The following CDK12 variants were observed in gnomAD, a reference collection of about 807,000 sequenced individuals.
CDK12 encodes cyclin dependent kinase 12.
CDK12 carries 17 observed loss-of-function variants against 133.8 expected under a neutral mutation model. That is an observed-to-expected ratio of 0.13 (90% CI 0.09 to 0.19). The LOEUF is 0.19. CDK12 is among the 10% of genes least tolerant of loss of function. The pLI, the probability that CDK12 is intolerant of heterozygous loss-of-function variation, is 1.00. For synonymous variants in CDK12, 694 were observed against 683.6 expected (o/e 1.02, Z -0.24); for missense variants, 1,508 against 1,818.7 (o/e 0.83, Z 3.11).
In CDK12 at chr17:39,495,384, GTTTTT is replaced by G. The variant is rs60185847; in HGVS notation, c.2419+718_2419+722del. Reference sequence around the variant, plus strand: ...TGAGCTACCATGACTGGCCTCATGTGTTTTTTTTTTTTTTTTTTTTTTTTTTTTTT... The same window carrying G: ...TGAGCTACCATGACTGGCCTCATGTGTTTTTTTTTTTTTTTTTTTTTTTTT... On this transcript the variant is annotated intron_variant, in intron 5 of 13. Coordinates refer to ENST00000447079, the MANE Select transcript of CDK12 (RefSeq NM_016507.4). 6.1e-4 allele frequency among the ~76,000 whole-genome samples: 67 copies of G among 110,686 alleles called. 1 individual carries two copies. The highest frequency in any genetic ancestry group is 1.9e-3 in the African/African-American group (52 of 26,934). 72.6% of individuals were successfully genotyped at this position (110,686 alleles called of 152,430 possible).
Position 39,530,632 on chromosome 17 carries a change from G to A in CDK12, c.3789G>A (p.Glu1263=). ...GTCCTCCTCACATTCTTCCACCAGA[G>A]AAGAGGCCCCCTGAGCCCCCCGGAC... ...AACPPHILPP[E]KRPPEPPGPP... is the part of the protein sequence containing the mutation. The change falls in exon 14 of 14, where the codon GAG becomes GAA. Residue 1263 remains glutamate (E), a synonymous_variant. Transcript: ENST00000447079. 5 of 1,604,908 alleles carry A rather than the reference G, an allele frequency of 3.1e-6. No homozygotes were observed. The highest frequency in any genetic ancestry group is 1.1e-5 in the South Asian group (1 of 90,362).
chr17:39,491,521 C>T (rs2051600066), intron 3 of CDK12, among the ~76,000 whole-genome samples: 1 of 152,030 alleles, frequency 6.6e-6, no homozygotes, highest in African/African-American at 2.4e-5. Context: ...CAGGCGTGAG[C>T]CACCGCGTCC....
intron 5 of CDK12, among the ~76,000 whole-genome samples, chr17:39,495,284 G>A (rs555279235): frequency 4.7e-5 from 7 of 149,910 alleles, no homozygotes; most frequent in South Asian, 4.2e-4. Flanking sequence ...CGCTATGTTC[G>A]TCGAGCTGGT....
In CDK12 at chr17:39,524,660, T is replaced by C; in HGVS notation, c.3096-14T>C. On this transcript the variant is annotated splice_polypyrimidine_tract_variant and intron_variant, in intron 11 of 13. Transcript: ENST00000447079. ...TTCCCTTACATATTTCCCCTTTGCT[T>C]TGTCTTTTTCCAGCCTCCCCCACTG... The C allele has an allele frequency of 6.2e-7, 1 of 1,611,950 alleles. No individual in the cohort carries two copies. The highest frequency in any genetic ancestry group is 8.5e-7 in the Non-Finnish European group (1 of 1,178,066).
intron 5 of CDK12, among the ~76,000 whole-genome samples, chr17:39,499,565 G>A (rs2052565043): frequency 6.7e-6 from 1 of 148,650 alleles, no homozygotes. Context: ...GCTGAAGTGC[G>A]ATGGTGCAGT....
chr17:39,526,714 C>G (rs1271285283), intron 13 of CDK12, among the ~76,000 whole-genome samples: 1 of 152,170 alleles, frequency 6.6e-6, no homozygotes, highest in Non-Finnish European at 1.5e-5. Flanking sequence ...TTCTTTACCT[C>G]TAGTGGAGTG....
Position 39,462,227 on chromosome 17 carries a change from C to T in CDK12, c.156C>T (p.Asp52=), listed in dbSNP as rs542375286. The stretch of plus-strand genomic sequence containing the variant: ...GGCATAAGTCCAAACACTCCAAAGA[C>T]ATGGGGTTGGTGACCCCCGAAGCAG... The part of the protein sequence containing the change: ...HKRHKSKHSK[D]MGLVTPEAAS... The change falls in exon 1 of 14, where the codon GAC becomes GAT. Residue 52 remains aspartate (D), a synonymous_variant. Transcript: ENST00000447079. 3.7e-6 allele frequency: 6 copies of T among 1,614,206 alleles called. No homozygotes were observed. The South Asian group carries it at 6.6e-5, about 18-fold the overall frequency.
Position 39,532,303 on chromosome 17 carries a change from A to T in CDK12, c.*987A>T, listed in dbSNP as rs1484777128. On this transcript the variant is annotated 3_prime_UTR_variant, in exon 14 of 14. Coordinates refer to ENST00000447079, the MANE Select transcript of CDK12 (RefSeq NM_016507.4). The stretch of plus-strand genomic sequence containing the variant: ...TGTTCTCTGTAACTCTTCAATTCTA[A>T]AATGTTTTGTTTTTTAAACCATGTT... The T allele has an allele frequency of 4.3e-6, 1 of 233,166 alleles. No homozygotes were observed. Among genetic ancestry groups the T allele is most frequent in the African/African-American group, 2.2e-5 (1 of 45,296 alleles). The allele number at this position is 233,166 out of a possible 1,614,324, so 14.4% of individuals were successfully genotyped here.
intron 11 of CDK12, among the ~76,000 whole-genome samples, chr17:39,522,454 A>G (rs2054237748): frequency 6.7e-6 from 1 of 150,232 alleles, no homozygotes; most frequent in African/African-American, 2.5e-5. Flanking sequence ...TTTTTCTGAG[A>G]CAGGGTCTCT....
At chr17:39,479,729 C>T (rs1302647961) in intron 2 of CDK12, among the ~76,000 whole-genome samples, 3 of 151,498 alleles carry the variant, frequency 2.0e-5, no homozygotes, top group Non-Finnish European at 2.9e-5. Context: ...CGGGTTCAAG[C>T]AATTCTCCTG....
rs1567728721 is a variant in CDK12, at chr17:39,494,633, T to G, written c.2358T>G (p.Val786=). 1 of 1,607,616 alleles carries G rather than the reference T, an allele frequency of 6.2e-7. No homozygotes were observed. Among genetic ancestry groups the G allele is most frequent in the Non-Finnish European group, 8.5e-7 (1 of 1,176,510 alleles). ...KILRQLIHRS[V]VNMKEIVTDK... The stretch of plus-strand genomic sequence containing the variant: ...TTCGTCAGTTAATCCACCGAAGTGT[T>G]GTTAACATGAAGGAAATTGTCACAG... Residue 786 remains valine (V), a synonymous_variant, in exon 5 of 14, where the codon GTT becomes GTG. Transcript: ENST00000447079.
rs2145194294 is a variant in CDK12 at position 39,471,225 on chromosome 17, G to A, written c.1393G>A (p.Val465Ile). ...KSAPDTELVN[V>I]THLNTEVKNS... is the part of the protein sequence containing the mutation. ...TGCCCCAGATACTGAACTGGTGAAT[G>A]TAACACATCTAAACACAGAGGTAAA... Residue 465 changes from valine (V) to isoleucine (I), a missense_variant, in exon 2 of 14, where the codon GTA (valine) becomes ATA (isoleucine). Transcript: ENST00000447079. The A allele has an allele frequency of 6.2e-7, 1 of 1,601,550 alleles. No individual in the cohort carries two copies. Among genetic ancestry groups the A allele is most frequent in the Non-Finnish European group, 8.5e-7 (1 of 1,176,036 alleles).
At chr17:39,523,499 T>C (rs983286160) in intron 11 of CDK12, among the ~76,000 whole-genome samples, 2 of 152,008 alleles carry the variant, frequency 1.3e-5, no homozygotes, top group Admixed American at 6.6e-5. Flanking sequence ...AAAAAAAGTA[T>C]TTTATCTTTG....
At position 39,501,466 on chromosome 17, in the gene CDK12, G is replaced by A. The variant is rs373793188; in HGVS notation, c.2609+27G>A. 1.4e-5 allele frequency: 21 copies of A among 1,521,142 alleles called. No homozygotes were observed. The African/African-American group carries it at 2.8e-4, about 20-fold the overall frequency. The allele number at this position is 1,521,142 out of a possible 1,614,324, so 94.2% of individuals were successfully genotyped here. The stretch of plus-strand genomic sequence containing the variant: ...TAACATAGTAACCAAATAAGATTAA[G>A]CACTTTCCTCTTCTCCTCTGACCTT... On this transcript the variant is annotated intron_variant, in intron 6 of 13. Coordinates refer to ENST00000447079, the MANE Select transcript of CDK12 (RefSeq NM_016507.4).
chr17:39,471,742 C>G lies in CDK12; in HGVS notation c.1910C>G (p.Pro637Arg). 1 of 1,612,598 alleles carries G rather than the reference C, an allele frequency of 6.2e-7. No homozygotes were observed. The highest frequency in any genetic ancestry group is 8.5e-7 in the Non-Finnish European group (1 of 1,179,236). ...CCTTTGCCCCTCCCACCCTTATTACCTGGAGATGATGACATGGATAGGTAA... is the reference window on the plus strand; with the variant it reads ...CCTTTGCCCCTCCCACCCTTATTACGTGGAGATGATGACATGGATAGGTAA... ...LPPLPLPPLL[P>R]GDDDMDSPKE... is the part of the protein sequence containing the mutation. The change falls in exon 2 of 14, where the codon CCT becomes CGT. Residue 637 changes from proline to arginine, a missense_variant. Transcript: ENST00000447079.
At position 39,462,444 on chromosome 17, in the gene CDK12, G is replaced by T; in HGVS notation, c.373G>T (p.Ala125Ser). ...QHRRSRDLLK[A>S]KQTEKEKSQE... ...CAGGCGTTCCCGGGACTTACTAAAA[G>T]CTAAACAGACCGAAAAAGAAAAAAG... Residue 125 changes from alanine to serine, a missense_variant, in exon 1 of 14, where the codon GCT becomes TCT. Ala to Ser is a moderately conservative substitution (Grantham distance 99). Around this residue, in one of 9 missense-constraint regions of CDK12, gnomAD observed 460 missense variants for 490.8 expected, o/e 0.94. Coordinates refer to ENST00000447079, the MANE Select transcript of CDK12 (RefSeq NM_016507.4). 1 of 1,614,080 alleles carries T rather than the reference G, an allele frequency of 6.2e-7. No homozygotes were observed. The highest frequency in any genetic ancestry group is 1.3e-5 in the African/African-American group (1 of 75,026).
downstream of CDK12, among the ~76,000 whole-genome samples, chr17:39,566,231 G>T (rs999249240): frequency 1.3e-5 from 2 of 152,114 alleles, no homozygotes; most frequent in African/African-American, 2.4e-5. Context: ...GGAGAGGGAG[G>T]CATCATGAAT....
Position 39,474,048 on chromosome 17 carries a change from CTT to C in CDK12, c.1931+2287_1931+2288del, listed in dbSNP as rs1347383153. 7.2e-5 allele frequency among the ~76,000 whole-genome samples: 11 copies of C among 152,236 alleles called. No individual in the cohort carries two copies. The South Asian group carries it at 1.2e-3, about 17-fold the overall frequency. ...CTCCAGCCTGGGTGACAGAGCGAAA[CTT>C]TGTCTCAAAACAGTATATATGTATT... On this transcript the variant is annotated intron_variant, in intron 2 of 13. Coordinates refer to ENST00000447079, the MANE Select transcript of CDK12 (RefSeq NM_016507.4).
chr17:39,486,076 C>T (rs1382277424), intron 2 of CDK12, among the ~76,000 whole-genome samples: 1 of 151,224 alleles, frequency 6.6e-6, no homozygotes, highest in African/African-American at 2.4e-5. Context: ...CCTCAGGTTC[C>T]CAAGTAGCTG....
Sources: gnomAD v4.1 joint callset for allele counts (sites outside exome capture counted in the v4.1 genomes callset) on GRCh38, gnomAD v4.1.1 for gene constraint, gnomAD v4.1.1 regional missense constraint, MANE v1.5 for transcripts, NCBI Gene and HGNC (gene_info 2026-07-23, HGNC 2026-07-21) for gene names.